The following SLC35F6 variants were observed in gnomAD, a reference collection of about 807,000 sequenced individuals.
SLC35F6 encodes ANT2-binding protein.
A neutral mutation model predicts 29.4 loss-of-function variants in SLC35F6; 26 were observed. That is an observed-to-expected ratio of 0.89 (90% confidence interval 0.65 to 1.23). The LOEUF is 1.23. Among genes scored for constraint, SLC35F6 ranks in the 50% most tolerant of loss-of-function variants. The probability of loss-of-function intolerance (pLI) is 0.00; values close to 1 mark genes in which losing one functional copy is unlikely to be tolerated. For synonymous variants in SLC35F6, 174 were observed against 206.6 expected, an observed-to-expected ratio of 0.84 and a Z score of 1.35; for missense variants, 428 against 487.8, an observed-to-expected ratio of 0.88 and a Z score of 1.15.
At chr2:26,773,503 G>GAAAAAAAAA (rs70953813) in intron 1 of SLC35F6, among the ~76,000 whole-genome samples, 1 of 106,970 alleles carries the variant, frequency 9.3e-6, no homozygotes, top group African/African-American at 3.1e-5. Flanking sequence ...ACTCCATTAA[G>GAAAAAAAAA]AAAAAAAAAA....
intron 2 of SLC35F6, 112 bp from the exon 3 acceptor site, chr2:26,774,932 T>C: frequency 7.9e-7 from 1 of 1,259,976 alleles, no homozygotes; most frequent in South Asian, 1.6e-5. Context: ...TTTTACATAT[T>C]GGGGTTCTGG....
chr2:26,766,606 A>C (rs1664101207), intron 1 of SLC35F6, among the ~76,000 whole-genome samples: 1 of 152,124 alleles, frequency 6.6e-6, no homozygotes, highest in Non-Finnish European at 1.5e-5. Flanking sequence ...TCAAAAAAAA[A>C]AATAAAAGGA....
rs1023446674 is a variant in SLC35F6 at position 26,778,841 on chromosome 2, A to G, written c.*330A>G. On this transcript the variant is annotated 3_prime_UTR_variant, in exon 6 of 6. Transcript: ENST00000344420. ...GTAGTGTATCTGAATCATAAACTAGATTATCATAGTTATCTAGTTTATGAG... is the reference window on the plus strand; with the variant it reads ...GTAGTGTATCTGAATCATAAACTAGGTTATCATAGTTATCTAGTTTATGAG... 1.9e-5 allele frequency: 6 copies of G among 316,848 alleles called. No individual in the cohort carries two copies. The highest frequency in any genetic ancestry group is 3.5e-5 in the Non-Finnish European group (6 of 172,318). The allele number at this position is 316,848 out of a possible 1,614,324, so 19.6% of individuals were successfully genotyped here.
intron 2 of SLC35F6, among the ~76,000 whole-genome samples, 158 bp downstream of exon 2, chr2:26,774,481 C>A (rs1455746855): frequency 6.6e-6 from 1 of 152,198 alleles, no homozygotes; most frequent in African/African-American, 2.4e-5. Context: ...AGAGCAGAAT[C>A]CAAGGTTTAG....
chr2:26,774,218 G>C (rs1158385333), intron 1 of SLC35F6, 33 bp from the exon 2 acceptor site: 2 of 1,613,008 alleles, frequency 1.2e-6, no homozygotes, highest in Non-Finnish European at 1.7e-6. Flanking sequence ...GTAGGATGCT[G>C]ACAGGGTCTG....
At chr2:26,777,129 G>A (rs1050561762) in intron 5 of SLC35F6, among the ~76,000 whole-genome samples, 1 of 152,240 alleles carries the variant, frequency 6.6e-6, no homozygotes, top group Non-Finnish European at 1.5e-5. Flanking sequence ...AACTGGGGGA[G>A]CAGAGGCTGC....
rs1427561146 is a variant in SLC35F6 at position 26,764,326 on chromosome 2, G to A, written c.-24G>A. The stretch of plus-strand genomic sequence containing the variant: ...TGACGGGGCCCGGCGCCGCTAACTG[G>A]AGCGAACCCCAGCGTCCGCCGACAT... On this transcript the variant is annotated 5_prime_UTR_variant, in exon 1 of 6. Coordinates refer to ENST00000344420, the MANE Select transcript of SLC35F6 (RefSeq NM_017877.4). 3 of 1,548,982 alleles carry A rather than the reference G, an allele frequency of 1.9e-6. No individual in the cohort carries two copies. Among genetic ancestry groups the A allele is most frequent in the East Asian group, 4.9e-5 (2 of 40,714 alleles).
At chr2:26,768,728 C>T (rs1305707749) in intron 1 of SLC35F6, among the ~76,000 whole-genome samples, 2 of 150,272 alleles carry the variant, frequency 1.3e-5, no homozygotes. Context: ...GCCATCTAGG[C>T]TCACTGCAAC....
Position 26,776,478 on chromosome 2 carries a change from T to G in SLC35F6, c.642T>G (p.Thr214=). ...TGCACCCACTGCGGGCAGTTGGCAC[T>G]GAGGGTGTGTGTGGGCACAGGGGCC... ...HNVHPLRAVG[T]EGLFGFVILS... Residue 214 remains threonine (T), a synonymous_variant, in exon 5 of 6, where the codon ACT becomes ACG. Transcript: ENST00000344420. 6.2e-7 allele frequency: 1 copy of G among 1,613,978 alleles called. No homozygotes were observed. Among genetic ancestry groups the G allele is most frequent in the East Asian group, 2.2e-5 (1 of 44,876 alleles).
At chr2:26,774,352 G>A in intron 2 of SLC35F6, 29 bp downstream of exon 2, 3 of 1,612,642 alleles carry the variant, frequency 1.9e-6, no homozygotes, top group South Asian at 2.2e-5. Context: ...CCTACCTCCT[G>A]TCTCCCGGGC....
At chr2:26,777,934 GAGGAC>G in intron 5 of SLC35F6, 103 bp from the exon 6 acceptor site, 1 of 1,043,650 alleles carries the variant, frequency 9.6e-7, no homozygotes, top group Non-Finnish European at 1.4e-6. Flanking sequence ...GAGCTGGCAT[GAGGAC>G]CACTGGGAGG....
At chr2:26,764,965 T>G in intron 1 of SLC35F6, 1 of 985,428 alleles carries the variant, frequency 1.0e-6, no homozygotes, top group Admixed American at 6.1e-5. Flanking sequence ...AAAGGCCAGA[T>G]CAAAGTCGAT....
intron 1 of SLC35F6, among the ~76,000 whole-genome samples, chr2:26,771,975 C>G (rs889489602): frequency 1.1e-4 from 16 of 151,616 alleles, no homozygotes; most frequent in African/African-American, 3.7e-4. Flanking sequence ...CCAGGTTTCT[C>G]TCTGCCTTCT....
At chr2:26,767,912 G>C (rs1347531933) in intron 1 of SLC35F6, among the ~76,000 whole-genome samples, 2 of 152,188 alleles carry the variant, frequency 1.3e-5, no homozygotes, top group Non-Finnish European at 2.9e-5. Flanking sequence ...GTAAGGCTCA[G>C]CTCCCCTCCT....
chr2:26,766,452 G>T (rs947669551), intron 1 of SLC35F6, among the ~76,000 whole-genome samples: 1 of 152,148 alleles, frequency 6.6e-6, no homozygotes, highest in South Asian at 2.1e-4. Flanking sequence ...ACAAAAATTA[G>T]CTGGGCGTGG....
At chr2:26,774,570 G>A (rs1410567167) in intron 2 of SLC35F6, among the ~76,000 whole-genome samples, 1 of 152,222 alleles carries the variant, frequency 6.6e-6, no homozygotes, top group Non-Finnish European at 1.5e-5. Context: ...CAGGACACGT[G>A]GAAAACATCA....
intron 1 of SLC35F6, among the ~76,000 whole-genome samples, chr2:26,770,805 C>G (rs76195586): frequency 0.011 from 1,680 of 152,264 alleles, 36 homozygotes; most frequent in African/African-American, 0.038. Flanking sequence ...CCTTAGGGGT[C>G]ACTGCTGTCA....
At chr2:26,769,201 C>T (rs1664149372) in intron 1 of SLC35F6, among the ~76,000 whole-genome samples, 1 of 152,230 alleles carries the variant, frequency 6.6e-6, no homozygotes, top group Admixed American at 6.5e-5. Context: ...TTCGCCACCC[C>T]CGTTCACGTG....
At chr2:26,777,629 T>G (rs1664325806) in intron 5 of SLC35F6, among the ~76,000 whole-genome samples, 1 of 152,206 alleles carries the variant, frequency 6.6e-6, no homozygotes, top group Admixed American at 6.5e-5. Context: ...GAAAGCTGTG[T>G]TTTTCCAAAC....
Sources: allele counts gnomAD v4.1 joint callset (sites outside exome capture counted in the v4.1 genomes callset), GRCh38; gene constraint gnomAD v4.1.1; transcripts MANE v1.5; gene names NCBI Gene and HGNC (gene_info 2026-07-23, HGNC 2026-07-21).